Variants in ULK1 observed in about 807,000 individuals in gnomAD.
ULK1 encodes the protein serine/threonine-protein kinase ULK1.
A neutral mutation model predicts 117.5 loss-of-function variants in ULK1; 48 were observed. The observed-to-expected ratio is 0.41, with a 90% confidence interval of 0.32 to 0.52. The LOEUF is 0.52. Ranked by LOEUF, ULK1 falls within the 20% of genes least tolerant of loss-of-function variation. The probability of loss-of-function intolerance (pLI) is 0.29; values close to 1 mark genes in which losing one functional copy is unlikely to be tolerated. For synonymous variants in ULK1, 790 were observed against 637.8 expected (o/e 1.24, Z -3.60); for missense variants, 1,387 against 1,473.4 (o/e 0.94, Z 0.96).
intron 8 of ULK1, 143 bp downstream of exon 8, chr12:131,909,380 C>T (rs1049730324): frequency 1.7e-4 from 163 of 980,748 alleles, no homozygotes; most frequent in Non-Finnish European, 2.1e-4. Flanking sequence ...TCCAGGGGTC[C>T]AGTGGGGAAG....
Position 131,913,780 on chromosome 12 carries a change from C to G in ULK1, c.1191C>G (p.Ser397Arg). Residue 397 changes from serine (S) to arginine (R), a missense_variant, in exon 15 of 28, where the codon AGC (serine) becomes AGG (arginine). By Grantham distance (110) the Ser-to-Arg change is moderately radical (BLOSUM62 -1). Transcript: ENST00000321867. ...TGGTGGCCTCTGCGGGCTTGGAGAG[C>G]CACGGCCGGACCCCATCTCCATCCC... ...SSLVASAGLE[S>R]HGRTPSPSPP... 6.3e-7 allele frequency: 1 copy of G among 1,576,392 alleles called. No homozygotes were observed. The highest frequency in any genetic ancestry group is 8.6e-7 in the Non-Finnish European group (1 of 1,161,226).
intron 25 of ULK1, 84 bp downstream of exon 25, chr12:131,919,674 A>G: frequency 6.9e-7 from 1 of 1,457,424 alleles, no homozygotes; most frequent in Non-Finnish European, 9.4e-7. Flanking sequence ...GGTAACAGGG[A>G]GGCTGCTTGA....
chr12:131,919,830 A>C (rs113654315), intron 25 of ULK1, 149 bp from the exon 26 acceptor site: 439 of 1,234,256 alleles, frequency 3.6e-4, no homozygotes, highest in African/African-American at 3.2e-3. Flanking sequence ...CAAGGTGCGG[A>C]GCCTGGCCAC....
At chr12:131,895,874 G>A in intron 3 of ULK1, 50 bp downstream of exon 3, 1 of 1,609,560 alleles carries the variant, frequency 6.2e-7, no homozygotes, top group Admixed American at 1.7e-5. Flanking sequence ...GGGGACTGTG[G>A]CCCCAGGTGC....
At chr12:131,908,611 G>A in intron 5 of ULK1, 33 bp from the exon 6 acceptor site, 4 of 1,439,110 alleles carry the variant, frequency 2.8e-6, no homozygotes, top group Non-Finnish European at 3.6e-6. Flanking sequence ...GAGGAAACAC[G>A]GCCCCCAGGC....
At chr12:131,897,745 A>G (rs1888931880) in intron 3 of ULK1, 1 of 149,610 alleles carries the variant, frequency 6.7e-6, no homozygotes. Flanking sequence ...AAAAAAAAGA[A>G]AAAAAAAGAA....
intron 24 of ULK1, 31 bp from the exon 25 acceptor site, chr12:131,919,441 C>G: frequency 1.3e-6 from 2 of 1,595,518 alleles, no homozygotes; most frequent in Non-Finnish European, 1.7e-6. Flanking sequence ...CAGGACCAAC[C>G]GGCCTCCTCT....
rs745552807 is a variant in ULK1, at chr12:131,909,201, C to T, written c.630C>T (p.Ile210=). 3 of 1,609,458 alleles carry T rather than the reference C, an allele frequency of 1.9e-6. No homozygotes were observed. Among genetic ancestry groups the T allele is most frequent in the African/African-American group, 1.3e-5 (1 of 74,964 alleles). ...GKADLWSIGT[I]VYQCLTGKAP... The stretch of plus-strand genomic sequence containing the variant: ...CGGACCTGTGGAGCATCGGCACCAT[C>T]GTCTACCAGTGCCTGACGGGGAAGG... The change falls in exon 8 of 28, where the codon ATC becomes ATT. Residue 210 remains isoleucine, a synonymous_variant. Transcript: ENST00000321867.
rs1484696889 is a variant in ULK1 at position 131,903,113 on chromosome 12, C to T, written c.247-3779C>T. ...CAAGAGCCCTAGAGAGAGTCGCTGC[C>T]TGTGGGAAGGGTGGACAGGCCCAGC... On this transcript the variant is annotated intron_variant, in intron 3 of 27. Transcript: ENST00000321867. This position sits in a 1 kb window ranked among gnomAD's most constrained non-coding sequence, Gnocchi z 6.0. 6.6e-6 allele frequency among the ~76,000 whole-genome samples: 1 copy of T among 152,118 alleles called. No individual in the cohort carries two copies. Among genetic ancestry groups the T allele is most frequent in the Non-Finnish European group, 1.5e-5 (1 of 68,002 alleles).
At position 131,916,990 on chromosome 12, in the gene ULK1, A is replaced by C; in HGVS notation, c.2110A>C (p.Lys704Gln). 6.2e-7 allele frequency: 1 copy of C among 1,606,958 alleles called. No individual in the cohort carries two copies. Among genetic ancestry groups the C allele is most frequent in the Non-Finnish European group, 8.5e-7 (1 of 1,178,000 alleles). The change falls in exon 21 of 28, where the codon AAG (lysine) becomes CAG (glutamine). Residue 704 changes from lysine (K) to glutamine (Q), a missense_variant. Lys to Gln is a moderately conservative substitution (Grantham distance 53, BLOSUM62 1). This residue lies in a region of ULK1 where 900 missense variants were observed against 858.9 expected (regional missense o/e 1.05). Coordinates refer to ENST00000321867, the MANE Select transcript of ULK1 (RefSeq NM_003565.4). ...CAGCCGCCTCACTGACCTGCTCCTT[A>C]AGGCGGCGTTTGGGACACAAGCCCC... ...STSRLTDLLL[K>Q]AAFGTQAPDP...
At chr12:131,914,156 G>C (rs1889669298) in intron 15 of ULK1, among the ~76,000 whole-genome samples, 196 bp from the exon 16 acceptor site, 1 of 152,248 alleles carries the variant, frequency 6.6e-6, no homozygotes, top group Non-Finnish European at 1.5e-5. Flanking sequence ...GAGTCCAGGT[G>C]GGGTGCAGGT....
At chr12:131,898,495 T>G (rs1420203828) in intron 3 of ULK1, among the ~76,000 whole-genome samples, 2 of 152,058 alleles carry the variant, frequency 1.3e-5, no homozygotes, top group South Asian at 4.1e-4. Context: ...ACATCTCTTA[T>G]GGTTTTGCTT....
chr12:131,913,446 A>G (rs1214812592), intron 14 of ULK1, among the ~76,000 whole-genome samples, 188 bp downstream of exon 14: 1 of 151,570 alleles, frequency 6.6e-6, no homozygotes, highest in Non-Finnish European at 1.5e-5. Context: ...CTGTAATCCC[A>G]GCACTTTGGG....
rs767999099 is a variant in ULK1 at position 131,916,940 on chromosome 12, C to T, written c.2073-13C>T. 5.6e-6 allele frequency: 9 copies of T among 1,606,550 alleles called. No homozygotes were observed. The Middle Eastern group carries it at 5.0e-4, about 89-fold the overall frequency. On this transcript the variant is annotated splice_polypyrimidine_tract_variant and intron_variant, in intron 20 of 27. Transcript: ENST00000321867. ...GGGCCGGGCACCCAGCACAGCCCTGCACACTCCCACAGGTCTTTCAGCACC... is the reference window on the plus strand; with the variant it reads ...GGGCCGGGCACCCAGCACAGCCCTGTACACTCCCACAGGTCTTTCAGCACC...
At chr12:131,896,816 G>A (rs1888892996) in intron 3 of ULK1, 1 of 152,266 alleles carries the variant, frequency 6.6e-6, no homozygotes, top group South Asian at 2.1e-4. Flanking sequence ...CTCCTGCCTG[G>A]ACCACAGCCT....
chr12:131,909,933 C>G lies in ULK1; in HGVS notation c.740C>G (p.Thr247Ser). 6.2e-7 allele frequency: 1 copy of G among 1,612,102 alleles called. No individual in the cohort carries two copies. The highest frequency in any genetic ancestry group is 8.5e-7 in the Non-Finnish European group (1 of 1,179,810). ...TCTTGCCCCAGCATCCCCCGGGAGA[C>G]CTCGGCCCCGCTGCGGCAGCTGCTC... ...KTLVPTIPRE[T>S]SAPLRQLLLA... Residue 247 changes from threonine to serine, a missense_variant, in exon 10 of 28, where the codon ACC becomes AGC. Thr to Ser is a moderately conservative substitution (Grantham distance 58, BLOSUM62 1). Around this residue, in one of 4 missense-constraint regions of ULK1, gnomAD observed 260 missense variants for 271.6 expected, o/e 0.96. Transcript: ENST00000321867.
At position 131,921,435 on chromosome 12, in the gene ULK1, C is replaced by T. The variant is rs1016286463; in HGVS notation, c.*74C>T. ...GGCTCTGTGTGCTGGCTGGACTCCT[C>T]GGGACAAGCCCATGGCGCTGATCGC... On this transcript the variant is annotated 3_prime_UTR_variant, in exon 28 of 28. Coordinates refer to ENST00000321867, the MANE Select transcript of ULK1 (RefSeq NM_003565.4). The T allele has an allele frequency of 4.7e-5, 74 of 1,587,028 alleles. No homozygotes were observed. Among genetic ancestry groups the T allele is most frequent in the Admixed American group, 1.0e-4 (6 of 59,916 alleles).
intron 21 of ULK1, 30 bp downstream of exon 21, chr12:131,917,092 T>G: frequency 7.2e-7 from 1 of 1,382,360 alleles, no homozygotes; most frequent in Non-Finnish European, 9.7e-7. Flanking sequence ...TCGGAGGCTG[T>G]GGGATGGGGG....
At chr12:131,919,894 G>A (rs1229063243) in intron 25 of ULK1, 85 bp from the exon 26 acceptor site, 22 of 1,532,894 alleles carry the variant, frequency 1.4e-5, no homozygotes, top group South Asian at 8.6e-5. Context: ...GGACGTGCTC[G>A]CTCAGTGCAC....
Sources: allele counts gnomAD v4.1 joint callset (sites outside exome capture counted in the v4.1 genomes callset), GRCh38; gene constraint gnomAD v4.1.1; regional missense constraint gnomAD v4.1.1; non-coding constraint Gnocchi (gnomAD v3.1); transcripts MANE v1.5; gene names NCBI Gene and HGNC (gene_info 2026-07-23, HGNC 2026-07-21).